STPG2: variants seen among roughly 807,000 people sequenced by gnomAD.
The protein encoded by STPG2 is sperm-tail PG-rich repeat-containing protein 2.
In STPG2, 56 loss-of-function variants were observed where a neutral mutation model predicts 54.2. That is an observed-to-expected ratio of 1.03 (90% confidence interval 0.83 to 1.29). STPG2 has a LOEUF of 1.29. Among genes scored for constraint, STPG2 ranks in the 50% most tolerant of loss-of-function variants. STPG2 has a pLI of 0.00. For synonymous variants in STPG2, 200 were observed against 181.8 expected, an observed-to-expected ratio of 1.10 and a Z score of -0.81; for missense variants, 596 against 544.9, an observed-to-expected ratio of 1.09 and a Z score of -0.93.
chr4:98,120,453 GT>G (rs1385174485), intron 3 of STPG2, among the ~76,000 whole-genome samples: 1 of 152,096 alleles, frequency 6.6e-6, no homozygotes, highest in East Asian at 1.9e-4. Context: ...GGGTCAAGTG[GT>G]ATTTCTGCTT....
intron 4 of STPG2, among the ~76,000 whole-genome samples, chr4:97,534,790 A>C (rs1479681838): frequency 6.6e-6 from 1 of 152,162 alleles, no homozygotes; most frequent in African/African-American, 2.4e-5. Flanking sequence ...TTCTGTACAC[A>C]TGCAGCCCTG....
intron 4 of STPG2, among the ~76,000 whole-genome samples, chr4:97,459,558 G>A (rs560107130): frequency 2.0e-5 from 3 of 150,692 alleles, no homozygotes; most frequent in Non-Finnish European, 4.4e-5. Flanking sequence ...TCCTGCCTCA[G>A]CCTCCCCAGT....
At chr4:97,774,551 T>C (rs1726318053) in intron 9 of STPG2, among the ~76,000 whole-genome samples, 1 of 152,112 alleles carries the variant, frequency 6.6e-6, no homozygotes, top group African/African-American at 2.4e-5. Flanking sequence ...AGGTTTACAG[T>C]AAGGAGTAGG....
At chr4:97,848,782 T>C (rs930307573) in intron 8 of STPG2, among the ~76,000 whole-genome samples, 3 of 151,178 alleles carry the variant, frequency 2.0e-5, no homozygotes, top group African/African-American at 7.3e-5. Flanking sequence ...CTTGTTTTTC[T>C]CAGGTTTGTC....
intron 5 of STPG2, among the ~76,000 whole-genome samples, chr4:98,039,610 C>A (rs1034988374): frequency 6.6e-6 from 1 of 151,018 alleles, no homozygotes; most frequent in Admixed American, 6.6e-5. Context: ...ACTAAAAGCC[C>A]AATATTTACC....
chr4:97,686,250 T>C (rs1371972717), intron 10 of STPG2, among the ~76,000 whole-genome samples: 1 of 148,412 alleles, frequency 6.7e-6, no homozygotes, highest in Non-Finnish European at 1.5e-5. Flanking sequence ...CTTTTCCTCT[T>C]TCTCTCTCTC....
At chr4:97,949,860 T>G (rs1733398457) in intron 7 of STPG2, among the ~76,000 whole-genome samples, 1 of 147,802 alleles carries the variant, frequency 6.8e-6, no homozygotes, top group Non-Finnish European at 1.5e-5. Context: ...ACTATATGCC[T>G]TTGTGTTTTG....
At chr4:97,919,856 G>T (rs1335165139) in intron 8 of STPG2, among the ~76,000 whole-genome samples, 2 of 152,132 alleles carry the variant, frequency 1.3e-5, no homozygotes, top group Non-Finnish European at 2.9e-5. Context: ...GTCATTATAA[G>T]AAAGGACATT....
intron 5 of STPG2, among the ~76,000 whole-genome samples, chr4:98,068,801 C>T (rs775722777): frequency 1.3e-5 from 2 of 152,062 alleles, no homozygotes; most frequent in Non-Finnish European, 2.9e-5. Flanking sequence ...CTAGGCTATA[C>T]AGTATAGCCT....
intron 8 of STPG2, among the ~76,000 whole-genome samples, chr4:97,921,877 T>C (rs980911456): frequency 1.3e-5 from 2 of 152,148 alleles, no homozygotes; most frequent in African/African-American, 2.4e-5. Context: ...TGCAACAATA[T>C]GAATGAACCT....
chr4:97,456,981 G>A (rs1729544443), intron 4 of STPG2, among the ~76,000 whole-genome samples: 1 of 150,052 alleles, frequency 6.7e-6, no homozygotes, highest in African/African-American at 2.5e-5. Context: ...TTATATAATG[G>A]CAAATAAGCA....
intron 5 of STPG2, among the ~76,000 whole-genome samples, chr4:98,010,032 T>G (rs1213951214): frequency 6.6e-6 from 1 of 152,084 alleles, no homozygotes; most frequent in East Asian, 1.9e-4. Flanking sequence ...TGTGTTGATT[T>G]TATCTTTTCA....
At chr4:98,006,807 G>T (rs1735586853) in intron 5 of STPG2, among the ~76,000 whole-genome samples, 1 of 152,200 alleles carries the variant, frequency 6.6e-6, no homozygotes, top group African/African-American at 2.4e-5. Context: ...CCTTGGTCAG[G>T]ACTGGGAACT....
intron 9 of STPG2, among the ~76,000 whole-genome samples, chr4:97,723,678 A>G (rs540304224): frequency 6.6e-6 from 1 of 152,154 alleles, no homozygotes; most frequent in Non-Finnish European, 1.5e-5. Context: ...GTAATTTATA[A>G]GCAGAAAAGG....
At chr4:97,585,365 A>G (rs1163206321) in intron 10 of STPG2, among the ~76,000 whole-genome samples, 1 of 152,008 alleles carries the variant, frequency 6.6e-6, no homozygotes, top group Non-Finnish European at 1.5e-5. Context: ...CTTCACTGCC[A>G]GATCCAAAAC....
intron 9 of STPG2, among the ~76,000 whole-genome samples, chr4:97,733,130 T>C (rs2149028188): frequency 6.6e-6 from 1 of 152,252 alleles, no homozygotes; most frequent in South Asian, 2.1e-4. Flanking sequence ...TAAAAGACAC[T>C]TGCACATGTA....
intron 5 of STPG2, among the ~76,000 whole-genome samples, chr4:98,029,096 A>G (rs960931184): frequency 4.6e-5 from 7 of 152,092 alleles, no homozygotes; most frequent in Admixed American, 3.3e-4. Context: ...TGTTTTATTA[A>G]TAAAAATGTT....
intron 9 of STPG2, among the ~76,000 whole-genome samples, chr4:97,786,391 C>G (rs1046678764): frequency 7.9e-5 from 12 of 151,896 alleles, no homozygotes; most frequent in African/African-American, 2.9e-4. Context: ...TTAAGTTCTA[C>G]TCTAAAGAGT....
At chr4:97,839,192 G>C (rs925734237) in intron 9 of STPG2, among the ~76,000 whole-genome samples, 1 of 151,512 alleles carries the variant, frequency 6.6e-6, no homozygotes. Context: ...AGCTTCAAAG[G>C]TTCTGAAAAT....
Sources: gnomAD v4.1 joint callset for allele counts (sites outside exome capture counted in the v4.1 genomes callset) on GRCh38, gnomAD v4.1.1 for gene constraint, MANE v1.5 for transcripts, NCBI Gene and HGNC (gene_info 2026-07-23, HGNC 2026-07-21) for gene names.